Variants in APOBR observed in about 807,000 individuals in gnomAD.
APOBR encodes the protein apolipoprotein B receptor, also known as apoB-48R.
APOBR carries 57 observed loss-of-function variants against 88.5 expected under a neutral mutation model. The ratio of observed to expected loss-of-function variants is 0.64; its 90% CI spans 0.52 to 0.80. The LOEUF is 0.80. Among genes scored for constraint, APOBR ranks in the 30% least tolerant of loss-of-function variants. The pLI is 0.00. For synonymous variants in APOBR, 588 were observed against 572.7 expected (o/e 1.03, Z -0.38); for missense variants, 1,443 against 1,401.6 (o/e 1.03, Z -0.47).
Position 28,497,351 on chromosome 16 carries a change from C to T in APOBR, c.2310C>T (p.Val770=), listed in dbSNP as rs1305372460. Residue 770 remains valine, a synonymous_variant, in exon 2 of 4, where the codon GTC becomes GTT. Transcript: ENST00000564831. ...VAAGIMGGDV[V]PHISAAGAGE... ...CTGGGATTATGGGGGGTGATGTGGT[C>T]CCACACATCAGCGCTGCTGGCGCTG... is the stretch of plus-strand genomic sequence containing the variant. 6.2e-7 allele frequency: 1 copy of T among 1,608,676 alleles called. No homozygotes were observed. The highest frequency in any genetic ancestry group is 8.5e-7 in the Non-Finnish European group (1 of 1,177,788).
Position 28,497,300 on chromosome 16 carries a change from G to A in APOBR, c.2259G>A (p.Glu753=), listed in dbSNP as rs749711471. 6.3e-7 allele frequency: 1 copy of A among 1,598,702 alleles called. No homozygotes were observed. The highest frequency in any genetic ancestry group is 2.3e-5 in the East Asian group (1 of 44,192). ...QAVAVGLPDR[E]DAQTGSVAAG... Reference sequence around the variant, plus strand: ...TGGCTGTGGGCCTCCCGGACCGTGAGGATGCACAGACTGGCTCTGTGGCTG... The same window carrying A: ...TGGCTGTGGGCCTCCCGGACCGTGAAGATGCACAGACTGGCTCTGTGGCTG... The change falls in exon 2 of 4, where the codon GAG becomes GAA. Residue 753 remains glutamate, a synonymous_variant. Coordinates refer to ENST00000564831, the MANE Select transcript of APOBR (RefSeq NM_018690.4).
Position 28,495,309 on chromosome 16 carries a change from C to G in APOBR, c.268C>G (p.His90Asp). 2.6e-6 allele frequency: 4 copies of G among 1,541,408 alleles called. No homozygotes were observed. The highest frequency in any genetic ancestry group is 3.5e-6 in the Non-Finnish European group (4 of 1,144,172). The stretch of plus-strand genomic sequence containing the variant: ...GAGAGGGCCTGGAGATGACAGAAGA[C>G]ATGAAGTGGGGAGCTCAGCTGTAGA... ...RLRGPGDDRR[H>D]EVGSSAVEQT... Residue 90 changes from histidine (H) to aspartate (D), a missense_variant, in exon 2 of 4, where the codon CAT becomes GAT. His to Asp is a moderately conservative substitution (Grantham distance 81, BLOSUM62 -1). Transcript: ENST00000564831.
chr16:28,497,410 GGGACTCGAAA>G lies in APOBR; in HGVS notation c.2371_2380del (p.Asp791LysfsTer26). On this transcript the variant is annotated frameshift_variant, in exon 2 of 4. Transcript: ENST00000564831. LOFTEE classifies it high-confidence loss of function. Reference sequence around the variant, plus strand: ...TTGGAAGGGGTGCTTGGGCAAGGCTGGGACTCGAAAGAAAAGGAAGAGGCAGCAGCAGGAG... The same window carrying G: ...TTGGAAGGGGTGCTTGGGCAAGGCTGGAAAAGGAAGAGGCAGCAGCAGGAG... 1 of 1,613,418 alleles carries G rather than the reference GGGACTCGAAA, an allele frequency of 6.2e-7. No individual in the cohort carries two copies.
rs554512079 is a variant in APOBR at position 28,498,567 on chromosome 16, C to T, written c.*62C>T. On this transcript the variant is annotated 3_prime_UTR_variant, in exon 4 of 4. Coordinates refer to ENST00000564831, the MANE Select transcript of APOBR (RefSeq NM_018690.4). ...GGTGCCAGAAGGCTTGCTCCAATGC[C>T]ACTGAGCCCTGCTCCCTCTGCCACT... 7.4e-5 allele frequency: 112 copies of T among 1,522,190 alleles called. No individual in the cohort carries two copies. The highest frequency in any genetic ancestry group is 9.5e-5 in the Non-Finnish European group (107 of 1,129,256). 94.3% of individuals were successfully genotyped at this position (1,522,190 alleles called of 1,614,324 possible).
chr16:28,495,116 T>C lies in APOBR; in HGVS notation c.75T>C (p.Phe25=). ...TTTCCTAGGATTCCCTCGGCACCTT[T>C]GTCTCCTACCTCCTGGGAGATGCAG... The part of the protein sequence containing the change: ...LRGALDSLGT[F]VSYLLGDAVP... The change falls in exon 2 of 4, where the codon TTT becomes TTC. Residue 25 remains phenylalanine, a synonymous_variant. Coordinates refer to ENST00000564831, the MANE Select transcript of APOBR (RefSeq NM_018690.4). The C allele has an allele frequency of 6.5e-7, 1 of 1,528,384 alleles. No homozygotes were observed. The highest frequency in any genetic ancestry group is 8.8e-7 in the Non-Finnish European group (1 of 1,140,224). 94.7% of individuals were successfully genotyped at this position (1,528,384 alleles called of 1,614,324 possible).
Position 28,498,893 on chromosome 16 carries a change from G to A in APOBR, c.*388G>A. ...AGACCAGGAGTTCGAGACCAGCCTG[G>A]GCAGCATAGCAAGATCCCCATCTTT... On this transcript the variant is annotated 3_prime_UTR_variant, in exon 4 of 4. Coordinates refer to ENST00000564831, the MANE Select transcript of APOBR (RefSeq NM_018690.4). 3.6e-6 allele frequency: 2 copies of A among 550,164 alleles called. No homozygotes were observed. Among genetic ancestry groups the A allele is most frequent in the South Asian group, 3.2e-5 (2 of 61,566 alleles). The allele number at this position is 550,164 out of a possible 1,614,324, so 34.1% of individuals were successfully genotyped here. A position where few individuals can be genotyped will look rare whatever the true frequency, so the allele number is the denominator to read the frequency against.
At chr16:28,494,876 C>A in intron 1 of APOBR, 138 bp downstream of exon 1, 2 of 953,720 alleles carry the variant, frequency 2.1e-6, no homozygotes, top group Non-Finnish European at 3.1e-6. Context: ...CAGGTTCAGG[C>A]AGACTCCTGG....
In APOBR at chr16:28,497,411, G is replaced by A; in HGVS notation, c.2370G>A (p.Trp790Ter). The change falls in exon 2 of 4, where the codon TGG becomes TGA. Residue 790 changes from tryptophan (W) to a stop codon, truncating the protein, a stop_gained. Transcript: ENST00000564831. LOFTEE classifies it high-confidence loss of function. ...EALEGVLGQG[W>*]DSKEKEEAAA... Reference sequence around the variant, plus strand: ...TGGAAGGGGTGCTTGGGCAAGGCTGGGACTCGAAAGAAAAGGAAGAGGCAG... The same window carrying A: ...TGGAAGGGGTGCTTGGGCAAGGCTGAGACTCGAAAGAAAAGGAAGAGGCAG... 2 of 1,613,398 alleles carry A rather than the reference G, an allele frequency of 1.2e-6. No homozygotes were observed. The highest frequency in any genetic ancestry group is 2.2e-5 in the East Asian group (1 of 44,856).
Position 28,495,303 on chromosome 16 carries a change from A to C in APOBR, c.262A>C (p.Arg88=). The change falls in exon 2 of 4, where the codon AGA becomes CGA. Residue 88 remains arginine, a synonymous_variant. Transcript: ENST00000564831. ...AGRLRGPGDD[R]RHEVGSSAVE... Reference sequence around the variant, plus strand: ...AAGGCTGAGAGGGCCTGGAGATGACAGAAGACATGAAGTGGGGAGCTCAGC... The same window carrying C: ...AAGGCTGAGAGGGCCTGGAGATGACCGAAGACATGAAGTGGGGAGCTCAGC... The C allele has an allele frequency of 1.9e-6, 3 of 1,538,854 alleles. No homozygotes were observed. The South Asian group carries it at 3.7e-5, about 19-fold the overall frequency.
At position 28,498,542 on chromosome 16, in the gene APOBR, G is replaced by A; in HGVS notation, c.*37G>A. On this transcript the variant is annotated 3_prime_UTR_variant, in exon 4 of 4. Transcript: ENST00000564831. ...TGCTCTGGGAGCCAGGCCCTGAGTG[G>A]GTGCCAGAAGGCTTGCTCCAATGCC... 1 of 1,555,862 alleles carries A rather than the reference G, an allele frequency of 6.4e-7. No individual in the cohort carries two copies. The highest frequency in any genetic ancestry group is 8.7e-7 in the Non-Finnish European group (1 of 1,151,380).
At position 28,498,660 on chromosome 16, in the gene APOBR, C is replaced by A. The variant is rs557343270; in HGVS notation, c.*155C>A. On this transcript the variant is annotated 3_prime_UTR_variant, in exon 4 of 4. Transcript: ENST00000564831. Reference sequence around the variant, plus strand: ...GTATCATTCATGGAGCAGGCAAAACCAGACGTCTGGGAAGACCGTGAACTT... The same window carrying A: ...GTATCATTCATGGAGCAGGCAAAACAAGACGTCTGGGAAGACCGTGAACTT... 1.1e-5 allele frequency: 10 copies of A among 881,626 alleles called. No individual in the cohort carries two copies. Among genetic ancestry groups the A allele is most frequent in the African/African-American group, 1.0e-4 (6 of 59,296 alleles). 54.6% of individuals were successfully genotyped at this position (881,626 alleles called of 1,614,324 possible).
Position 28,497,594 on chromosome 16 carries a change from C to A in APOBR, c.2553C>A (p.Asp851Glu). 6.2e-7 allele frequency: 1 copy of A among 1,605,742 alleles called. No homozygotes were observed. The highest frequency in any genetic ancestry group is 8.5e-7 in the Non-Finnish European group (1 of 1,176,062). The change falls in exon 2 of 4, where the codon GAC (aspartate) becomes GAA (glutamate). Residue 851 changes from aspartate (D) to glutamate (E), a missense_variant. By Grantham distance (45) the Asp-to-Glu change is conservative (BLOSUM62 2). Transcript: ENST00000564831. Reference sequence around the variant, plus strand: ...CCGAGGAATCTGCAGGCGCAGAGGACAGCTGTGGGCTGGATCCCGCGGGCT... The same window carrying A: ...CCGAGGAATCTGCAGGCGCAGAGGAAAGCTGTGGGCTGGATCCCGCGGGCT... ...VEAEESAGAEDSCGLDPAGSQ... is the reference protein window; with the variant it reads ...VEAEESAGAEESCGLDPAGSQ...
chr16:28,495,049 G>A (rs763566929), intron 1 of APOBR, 50 bp from the exon 2 acceptor site: 6 of 1,442,442 alleles, frequency 4.2e-6, no homozygotes, highest in Non-Finnish European at 5.5e-6. Context: ...CCAGGGAAAG[G>A]GCTGGGACTC....
Position 28,498,815 on chromosome 16 carries a change from G to T in APOBR, c.*310G>T, listed in dbSNP as rs1316404477. ...GACTGCAAGGAGGCTGGGCACGGGGGCTCACGCCTGTCACCCCAGAGCTTT... is the reference window on the plus strand; with the variant it reads ...GACTGCAAGGAGGCTGGGCACGGGGTCTCACGCCTGTCACCCCAGAGCTTT... On this transcript the variant is annotated 3_prime_UTR_variant, in exon 4 of 4. Transcript: ENST00000564831. 5 of 566,714 alleles carry T rather than the reference G, an allele frequency of 8.8e-6. No individual in the cohort carries two copies. The highest frequency in any genetic ancestry group is 6.5e-5 in the East Asian group (2 of 30,602). The allele number at this position is 566,714 out of a possible 1,614,324, so 35.1% of individuals were successfully genotyped here. A position where few individuals can be genotyped will look rare whatever the true frequency, so the allele number is the denominator to read the frequency against.
Position 28,497,800 on chromosome 16 carries a change from A to G in APOBR, c.2759A>G (p.Glu920Gly), listed in dbSNP as rs1250701081. ...EGEAPRLLDA[E>G]GLMVTGGRRA... ...GAGGCACCAAGGCTCCTTGATGCAG[A>G]GGGTCTCATGGTGACCGGGGGCCGG... The change falls in exon 2 of 4, where the codon GAG becomes GGG. Residue 920 changes from glutamate (E) to glycine (G), a missense_variant. By Grantham distance (98) the Glu-to-Gly change is moderately conservative. Coordinates refer to ENST00000564831, the MANE Select transcript of APOBR (RefSeq NM_018690.4). 9 of 1,605,858 alleles carry G rather than the reference A, an allele frequency of 5.6e-6. No homozygotes were observed. Among genetic ancestry groups the G allele is most frequent in the Non-Finnish European group, 7.7e-6 (9 of 1,176,424 alleles).
rs151174 is a variant in APOBR at position 28,496,748 on chromosome 16, C to T, written c.1707C>T (p.Gly569=). 0.38 allele frequency: 599,003 copies of T among 1,585,564 alleles called. 118,662 individuals carry two copies. The highest frequency in any genetic ancestry group is 0.41 in the Non-Finnish European group (476,237 of 1,166,246). Residue 569 remains glycine, a synonymous_variant, in exon 2 of 4, where the codon GGC becomes GGT. Transcript: ENST00000564831. ...TKGQGPELMG[G]AQTPTKQPEE... is the part of the protein sequence containing the mutation. ...GCCAAGGACCTGAGCTGATGGGGGG[C>T]GCCCAGACCCCAACTAAGCAACCCG...
chr16:28,494,668 CAG>C lies in APOBR; in HGVS notation c.-10_-9del, dbSNP rs769843780. 3 of 1,610,366 alleles carry C rather than the reference CAG, an allele frequency of 1.9e-6. No homozygotes were observed. The highest frequency in any genetic ancestry group is 2.5e-6 in the Non-Finnish European group (3 of 1,177,706). On this transcript the variant is annotated 5_prime_UTR_variant, in exon 1 of 4. Transcript: ENST00000564831. ...ATTATCAGCTTTCTGGACACACAGA[CAG>C]AGACAGACAGGATGGACTTCCTCCG... is the stretch of plus-strand genomic sequence containing the variant.
chr16:28,494,826 C>T (rs1008958075), intron 1 of APOBR, 88 bp downstream of exon 1: 1 of 1,267,630 alleles, frequency 7.9e-7, no homozygotes, highest in East Asian at 2.4e-5. Flanking sequence ...TCACCTTTCC[C>T]CTCCTCCTTC....
In APOBR at chr16:28,497,291, G is replaced by A. The variant is rs752663324; in HGVS notation, c.2250G>A (p.Pro750=). Reference sequence around the variant, plus strand: ...TGCAAGCGGTGGCTGTGGGCCTCCCGGACCGTGAGGATGCACAGACTGGCT... The same window carrying A: ...TGCAAGCGGTGGCTGTGGGCCTCCCAGACCGTGAGGATGCACAGACTGGCT... ...WRLQAVAVGL[P]DREDAQTGSV... Residue 750 remains proline, a synonymous_variant, in exon 2 of 4, where the codon CCG becomes CCA. Coordinates refer to ENST00000564831, the MANE Select transcript of APOBR (RefSeq NM_018690.4). 150 of 1,594,042 alleles carry A rather than the reference G, an allele frequency of 9.4e-5. No homozygotes were observed. The highest frequency in any genetic ancestry group is 1.7e-4 in the Middle Eastern group (1 of 6,058).
Sources: allele counts gnomAD v4.1 joint callset, GRCh38; gene constraint gnomAD v4.1.1; transcripts MANE v1.5; gene names NCBI Gene and HGNC (gene_info 2026-07-23, HGNC 2026-07-21).